The following BORA variants were observed in gnomAD, a reference collection of about 807,000 sequenced individuals.
BORA encodes the protein BORA aurora kinase A activator.
Under a neutral mutation model 55.8 loss-of-function variants are expected in BORA, and 26 were observed. The ratio of observed to expected loss-of-function variants is 0.47; its 90% CI spans 0.34 to 0.65. BORA has a LOEUF of 0.65. BORA is among the 30% of genes least tolerant of loss of function. The pLI, the probability that BORA is intolerant of heterozygous loss-of-function variation, is 0.01. For synonymous variants in BORA, 201 were observed against 216.9 expected (o/e 0.93, Z 0.64); for missense variants, 568 against 671.5 (o/e 0.85, Z 1.70).
chr13:72,749,519 T>A lies in BORA; in HGVS notation c.1482+2408T>A, dbSNP rs201824212. On this transcript the variant is annotated intron_variant, in intron 10 of 11. Transcript: ENST00000390667. The stretch of plus-strand genomic sequence containing the variant: ...CAATTTCTAAAAATCTTTTTTTTTT[T>A]AAATCTCCTTTTTTGAATTTTTGGG... 2.8e-3 allele frequency among the ~76,000 whole-genome samples: 383 copies of A among 137,728 alleles called. 2 individuals are homozygous for A. Among genetic ancestry groups the A allele is most frequent in the African/African-American group, 9.7e-3 (366 of 37,682 alleles). The allele number at this position is 137,728 out of a possible 152,430, so 90.4% of individuals were successfully genotyped here.
chr13:72,745,354 G>A, intron 8 of BORA, 147 bp downstream of exon 8: 1 of 678,730 alleles, frequency 1.5e-6, no homozygotes, highest in African/African-American at 1.8e-5. Flanking sequence ...GGATGAGGAA[G>A]GGCCTTTACT....
intron 10 of BORA, among the ~76,000 whole-genome samples, chr13:72,749,158 A>G (rs1197602763): frequency 6.6e-6 from 1 of 152,168 alleles, no homozygotes; most frequent in African/African-American, 2.4e-5. Flanking sequence ...CGTCTCTCAC[A>G]TTTGAGAGTT....
Position 72,746,571 on chromosome 13 carries a change from G to C in BORA, c.942G>C (p.Pro314=), listed in dbSNP as rs777428247. ...SGTNSNGITN[P]CIRSPYIDGC... ...CAAATTCTAATGGGATAACTAATCC[G>C]TGTATCAGAAGTCCTTATATAGATG... The change falls in exon 10 of 12, where the codon CCG becomes CCC. Residue 314 remains proline (P), a synonymous_variant. Transcript: ENST00000390667. 2 of 1,613,874 alleles carry C rather than the reference G, an allele frequency of 1.2e-6. No individual in the cohort carries two copies. The highest frequency in any genetic ancestry group is 8.5e-7 in the Non-Finnish European group (1 of 1,179,892).
At chr13:72,748,021 T>C (rs921899033) in intron 10 of BORA, among the ~76,000 whole-genome samples, 3 of 152,240 alleles carry the variant, frequency 2.0e-5, no homozygotes, top group Non-Finnish European at 2.9e-5. Context: ...TTCATTGTTG[T>C]GTTCTTTGAG....
rs185856551 is a variant in BORA at position 72,733,234 on chromosome 13, A to G, written c.261-1726A>G. On this transcript the variant is annotated intron_variant, in intron 3 of 11. Transcript: ENST00000390667. The stretch of plus-strand genomic sequence containing the variant: ...TCTTACATATTAGCCCTCTACTTCA[A>G]TTCTTCCCATCCTTTTCATGCCACC... Among the ~76,000 whole-genome samples, 231 of 152,304 alleles carry G rather than the reference A, an allele frequency of 1.5e-3. 2 individuals carry two copies. The highest frequency in any genetic ancestry group is 5.1e-3 in the African/African-American group (210 of 41,564).
chr13:72,745,231 T>C (rs746827137), intron 8 of BORA, 24 bp downstream of exon 8: 3 of 1,577,618 alleles, frequency 1.9e-6, no homozygotes, highest in Non-Finnish European at 1.7e-6. Flanking sequence ...TAAAAAGCAG[T>C]TGGCTAATAT....
At chr13:72,751,766 TTTGAG>T (rs1187721296) in intron 10 of BORA, among the ~76,000 whole-genome samples, 1 of 152,244 alleles carries the variant, frequency 6.6e-6, no homozygotes, top group Non-Finnish European at 1.5e-5. Flanking sequence ...ATGATAAATG[TTTGAG>T]TTAATGGATA....
In BORA at chr13:72,752,497, C is replaced by T. The variant is rs7325327; in HGVS notation, c.1483-1193C>T. 1.7e-3 allele frequency: 265 copies of T among 152,336 alleles called. 3 individuals carry two copies. Among genetic ancestry groups the T allele is most frequent in the African/African-American group, 5.8e-3 (243 of 41,582 alleles). 9.4% of individuals were successfully genotyped at this position (152,336 alleles called of 1,614,324 possible). ...CCTGCTGTACTAATGAGTAACTCTTCCCTCCATATATATCCAGTTACATAT... is the reference window on the plus strand; with the variant it reads ...CCTGCTGTACTAATGAGTAACTCTTTCCTCCATATATATCCAGTTACATAT... On this transcript the variant is annotated intron_variant, in intron 10 of 11. Transcript: ENST00000390667.
chr13:72,731,381 A>T lies in BORA; in HGVS notation c.254A>T (p.His85Leu). ...CATCGTCAAGCTTTATACTTAAGTC[A>T]TTCTCGGTAAGTTTTCCTTTCTTGC... ...DIHRQALYLS[H>L]SRIDKDVEDK... The change falls in exon 3 of 12, where the codon CAT (histidine) becomes CTT (leucine). Residue 85 changes from histidine (H) to leucine (L), a missense_variant. Coordinates refer to ENST00000390667, the MANE Select transcript of BORA (RefSeq NM_024808.5). 1.9e-6 allele frequency: 3 copies of T among 1,602,350 alleles called. No homozygotes were observed. Among genetic ancestry groups the T allele is most frequent in the Non-Finnish European group, 2.6e-6 (3 of 1,170,936 alleles).
At chr13:72,743,654 G>A in intron 6 of BORA, 52 bp downstream of exon 6, 3 of 1,395,218 alleles carry the variant, frequency 2.2e-6, no homozygotes, top group Non-Finnish European at 3.0e-6. Flanking sequence ...AAGCTACATT[G>A]AATTCTAAAC....
chr13:72,754,019 G>A (rs1188461711), intron 11 of BORA, 198 bp downstream of exon 11: 3 of 518,082 alleles, frequency 5.8e-6, no homozygotes, highest in East Asian at 6.7e-5. Flanking sequence ...ACTACAAAGT[G>A]TGCAAAGGTA....
intron 6 of BORA, 87 bp downstream of exon 6, chr13:72,743,689 T>C: frequency 1.1e-6 from 1 of 941,304 alleles, no homozygotes; most frequent in Non-Finnish European, 1.6e-6. Flanking sequence ...AACACTTTAC[T>C]CTGGAATTGA....
chr13:72,755,068 A>G, intron 11 of BORA, 83 bp from the exon 12 acceptor site: 3 of 1,139,382 alleles, frequency 2.6e-6, no homozygotes, highest in Non-Finnish European at 2.6e-6. Context: ...ACGTGCTTTT[A>G]GGTTTTAAAA....
chr13:72,746,561 T>A lies in BORA; in HGVS notation c.932T>A (p.Ile311Lys). The A allele has an allele frequency of 6.2e-7, 1 of 1,614,040 alleles. No homozygotes were observed. The highest frequency in any genetic ancestry group is 2.2e-5 in the East Asian group (1 of 44,878). ...DASSGTNSNG[I>K]TNPCIRSPYI... ...TCATCTGGAACAAATTCTAATGGGA[T>A]AACTAATCCGTGTATCAGAAGTCCT... is the stretch of plus-strand genomic sequence containing the variant. The change falls in exon 10 of 12, where the codon ATA (isoleucine) becomes AAA (lysine). Residue 311 changes from isoleucine to lysine, a missense_variant. By Grantham distance (102) the Ile-to-Lys change is moderately radical. Coordinates refer to ENST00000390667, the MANE Select transcript of BORA (RefSeq NM_024808.5).
At chr13:72,728,842 A>AT in intron 1 of BORA, 84 bp from the exon 2 acceptor site, 6 of 1,263,132 alleles carry the variant, frequency 4.8e-6, no homozygotes, top group Non-Finnish European at 6.4e-6. Context: ...TTTGTGACAC[A>AT]TTTGTCGAGT....
At chr13:72,750,149 G>A (rs2033235585) in intron 10 of BORA, among the ~76,000 whole-genome samples, 2 of 152,174 alleles carry the variant, frequency 1.3e-5, no homozygotes, top group Admixed American at 1.3e-4. Flanking sequence ...TACAGCCCCT[G>A]AAGGAGACTG....
At chr13:72,728,333 A>G (rs1160609101) in intron 1 of BORA, 1 of 607,132 alleles carries the variant, frequency 1.6e-6, no homozygotes, top group Admixed American at 2.9e-5. Context: ...GGTGGAGGGG[A>G]GGTCTTGGCG....
At chr13:72,742,767 TACACACACACACACACACACAC>T (rs67866253) in intron 5 of BORA, among the ~76,000 whole-genome samples, 15 of 141,654 alleles carry the variant, frequency 1.1e-4, no homozygotes, top group Non-Finnish European at 1.7e-4. Context: ...TATATATATA[TACACACACACACACACACACAC>T]ACACACACAC....
chr13:72,735,281 ATCCT>A (rs2032896377), intron 4 of BORA, among the ~76,000 whole-genome samples: 1 of 152,134 alleles, frequency 6.6e-6, no homozygotes, highest in Admixed American at 6.6e-5. Flanking sequence ...ACTGTACTTC[ATCCT>A]TTCATTCTCA....
Sources: allele counts gnomAD v4.1 joint callset (sites outside exome capture counted in the v4.1 genomes callset), GRCh38; gene constraint gnomAD v4.1.1; transcripts MANE v1.5; gene names NCBI Gene and HGNC (gene_info 2026-07-23, HGNC 2026-07-21).